ARMH4: variants seen among roughly 807,000 people sequenced by gnomAD.
The protein encoded by ARMH4 is armadillo-like helical domain-containing protein 4.
In ARMH4, 49 loss-of-function variants were observed where a neutral mutation model predicts 61.9. The ratio of observed to expected loss-of-function variants is 0.79; its 90% CI spans 0.63 to 1.00. ARMH4 has a LOEUF of 1.00. Ranked by LOEUF, ARMH4 falls within the 50% of genes least tolerant of loss-of-function variation. ARMH4 has a pLI of 0.00. For synonymous variants in ARMH4, 368 were observed against 341.5 expected (o/e 1.08, Z -0.85); for missense variants, 934 against 930.0 (o/e 1.00, Z -0.06).
rs924461904 is a variant in ARMH4, at chr14:58,142,450, GTTTCT to G, written c.-56-3041_-56-3037del. Among the ~76,000 whole-genome samples, 9 of 151,530 alleles carry G rather than the reference GTTTCT, an allele frequency of 5.9e-5. No homozygotes were observed. In the East Asian group the frequency reaches 9.7e-4, roughly 16 times the overall value. On this transcript the variant is annotated intron_variant, in intron 1 of 7. Coordinates refer to ENST00000267485, the MANE Select transcript of ARMH4 (RefSeq NM_001001872.4). ...ATTTTCCTTCCTTCCTCCTTTTTTT[GTTTCT>G]TTTCTTTTCTTTTCTCTTCTCTTTT...
intron 5 of ARMH4, among the ~76,000 whole-genome samples, chr14:58,068,723 T>C (rs1045609900): frequency 3.3e-5 from 5 of 152,092 alleles, no homozygotes; most frequent in African/African-American, 1.2e-4. Context: ...AAGAAGACTC[T>C]AGGCCACGCG....
intron 5 of ARMH4, among the ~76,000 whole-genome samples, chr14:58,039,512 T>C (rs1347280439): frequency 6.6e-6 from 1 of 152,168 alleles, no homozygotes; most frequent in East Asian, 1.9e-4. Flanking sequence ...TTTGCAGAGA[T>C]TATTTTTAAA....
chr14:58,133,925 A>G (rs1292072241), intron 2 of ARMH4, among the ~76,000 whole-genome samples: 1 of 152,240 alleles, frequency 6.6e-6, no homozygotes, highest in African/African-American at 2.4e-5. Context: ...CAGAAGCTGC[A>G]TCATAGTGCT....
rs537825576 is a variant in ARMH4, at chr14:58,151,945, C to T, written c.-57+130G>A. 31 of 152,502 alleles carry T rather than the reference C, an allele frequency of 2.0e-4. No individual in the cohort carries two copies. The South Asian group carries it at 6.2e-3, about 31-fold the overall frequency. 9.4% of individuals were successfully genotyped at this position (152,502 alleles called of 1,614,324 possible). Reference sequence around the variant, plus strand: ...GGGCGCACGCCTGGCGCACCCAGGGCTGCAACGCTCCCGGGACTGTTACGC... The same window carrying T: ...GGGCGCACGCCTGGCGCACCCAGGGTTGCAACGCTCCCGGGACTGTTACGC... On this transcript the variant is annotated intron_variant, in intron 1 of 7. Transcript: ENST00000267485.
At chr14:58,017,403 A>T (rs1264499978) in intron 5 of ARMH4, among the ~76,000 whole-genome samples, 1 of 152,178 alleles carries the variant, frequency 6.6e-6, no homozygotes, top group East Asian at 1.9e-4. Flanking sequence ...AACTCCACCA[A>T]AAAAATGGTT....
chr14:58,026,192 C>T (rs8014603), intron 5 of ARMH4, among the ~76,000 whole-genome samples: 81,610 of 151,782 alleles, frequency 0.54, 22,109 homozygotes, highest in East Asian at 0.67. Context: ...AAATATATGA[C>T]ACATAAATGA....
At chr14:58,116,336 G>A (rs771613400) in intron 4 of ARMH4, 12 of 319,676 alleles carry the variant, frequency 3.8e-5, no homozygotes, top group Middle Eastern at 7.9e-4. Flanking sequence ...TCAAACACCA[G>A]TGGCAAAATG....
intron 5 of ARMH4, among the ~76,000 whole-genome samples, chr14:58,030,429 C>G (rs1276966621): frequency 6.6e-6 from 1 of 152,222 alleles, no homozygotes; most frequent in East Asian, 1.9e-4. Context: ...AGCAAAACCA[C>G]ACCTGTGTTG....
intron 1 of ARMH4, among the ~76,000 whole-genome samples, chr14:58,141,028 G>C (rs1887530660): frequency 6.6e-6 from 1 of 152,072 alleles, no homozygotes; most frequent in Non-Finnish European, 1.5e-5. Flanking sequence ...CTGTCACCTT[G>C]ATCTTGGACT....
At position 58,012,104 on chromosome 14, in the gene ARMH4, A is replaced by C. The variant is rs753286790; in HGVS notation, c.2121+15T>G. 1 of 1,475,572 alleles carries C rather than the reference A, an allele frequency of 6.8e-7. No individual in the cohort carries two copies. The highest frequency in any genetic ancestry group is 1.9e-5 in the Admixed American group (1 of 51,684). 91.4% of individuals were successfully genotyped at this position (1,475,572 alleles called of 1,614,324 possible). A position where few individuals can be genotyped will look rare whatever the true frequency, so the allele number is the denominator to read the frequency against. On this transcript the variant is annotated intron_variant, in intron 6 of 7. Coordinates refer to ENST00000267485, the MANE Select transcript of ARMH4 (RefSeq NM_001001872.4). The stretch of plus-strand genomic sequence containing the variant: ...CCCCTAAAAATAAACCAATGGAAGA[A>C]AATACTTTTCTTACCTTGTCTTTTA...
chr14:58,116,483 TG>T, intron 4 of ARMH4: 1 of 275,786 alleles, frequency 3.6e-6, no homozygotes, highest in Non-Finnish European at 7.6e-6. Flanking sequence ...GAGACGAGCC[TG>T]GGCAACATGG....
chr14:58,050,122 A>G (rs537017718), intron 5 of ARMH4, among the ~76,000 whole-genome samples: 1 of 152,314 alleles, frequency 6.6e-6, no homozygotes, highest in East Asian at 1.9e-4. Context: ...ATGGCATGAC[A>G]TTCACCTTCT....
intron 6 of ARMH4, 84 bp from the exon 7 acceptor site, chr14:58,005,266 T>C: frequency 1.9e-6 from 3 of 1,549,088 alleles, no homozygotes; most frequent in Non-Finnish European, 2.6e-6. Flanking sequence ...TGGCAGCAGG[T>C]TTTTAGACAC....
Position 58,032,677 on chromosome 14 carries a change from G to A in ARMH4, c.2090-20527C>T, listed in dbSNP as rs1209194549. Among the ~76,000 whole-genome samples the A allele has an allele frequency of 7.3e-5, 11 of 151,696 alleles. No homozygotes were observed. The East Asian group carries it at 1.2e-3, about 16-fold the overall frequency. On this transcript the variant is annotated intron_variant, in intron 5 of 7. Coordinates refer to ENST00000267485, the MANE Select transcript of ARMH4 (RefSeq NM_001001872.4). ...CACTAGGGAGTGCCAGACAGTGGGC[G>A]CAGGCCAGTGTGTGCGCGCACCGTG...
At chr14:58,113,741 G>T (rs1332884955) in intron 4 of ARMH4, among the ~76,000 whole-genome samples, 3 of 151,766 alleles carry the variant, frequency 2.0e-5, no homozygotes, top group Non-Finnish European at 4.4e-5. Flanking sequence ...TCTTCAAATT[G>T]ATCTTCCAGT....
At chr14:58,061,977 T>TA (rs34146606) in intron 5 of ARMH4, among the ~76,000 whole-genome samples, 51,991 of 145,512 alleles carry the variant, frequency 0.36, 9,472 homozygotes, top group Non-Finnish European at 0.43. Flanking sequence ...ATTTTATCTT[T>TA]AAAAAAAAAA....
chr14:58,085,445 G>T (rs1885349168), intron 5 of ARMH4, among the ~76,000 whole-genome samples: 1 of 151,520 alleles, frequency 6.6e-6, no homozygotes, highest in South Asian at 2.1e-4. Context: ...TGATTACAAA[G>T]AAATTAGTTC....
Position 58,139,094 on chromosome 14 carries a change from C to T in ARMH4, c.265G>A (p.Ala89Thr), listed in dbSNP as rs1887436468. 1.2e-6 allele frequency: 2 copies of T among 1,614,194 alleles called. No homozygotes were observed. Among genetic ancestry groups the T allele is most frequent in the East Asian group, 2.2e-5 (1 of 44,884 alleles). ...TGGGTTTCTTTGTTAATCGAGAATG[C>T]TTTATTTAATGATGTTGCCGATGGT... ...AVPSATSLNK[A>T]FSINKETQPG... Residue 89 changes from alanine (A) to threonine (T), a missense_variant, in exon 2 of 8, where the codon GCA becomes ACA. Transcript: ENST00000267485.
chr14:58,147,682 C>T (rs149775977), intron 1 of ARMH4, among the ~76,000 whole-genome samples: 238 of 152,226 alleles, frequency 1.6e-3, no homozygotes, highest in Non-Finnish European at 8.8e-4. Context: ...CTGCTATGTG[C>T]CAAGCGTTCT....
Sources: allele counts gnomAD v4.1 joint callset (sites outside exome capture counted in the v4.1 genomes callset), GRCh38; gene constraint gnomAD v4.1.1; transcripts MANE v1.5; gene names NCBI Gene and HGNC (gene_info 2026-07-23, HGNC 2026-07-21).